DLGAP2: variants seen among roughly 807,000 people sequenced by gnomAD.
DLGAP2 encodes disks large-associated protein 2.
A neutral mutation model predicts 100.3 loss-of-function variants in DLGAP2; 26 were observed. The observed-to-expected ratio is 0.26, with a 90% CI of 0.19 to 0.36. The LOEUF (loss-of-function observed/expected upper bound fraction) is 0.36. Among genes scored for constraint, DLGAP2 ranks in the 10% least tolerant of loss-of-function variants. The pLI, the probability that DLGAP2 is intolerant of heterozygous loss-of-function variation, is 1.00. For synonymous variants in DLGAP2, 886 were observed against 630.1 expected (o/e 1.41, Z -6.08); for missense variants, 1,858 against 1,453.2 (o/e 1.28, Z -4.53).
chr8:1,110,316 CTG>C (rs1377991468), intron 2 of DLGAP2, among the ~76,000 whole-genome samples: 3 of 145,842 alleles, frequency 2.1e-5, no homozygotes, highest in Non-Finnish European at 4.5e-5. Flanking sequence ...TGTGCTGGGT[CTG>C]TGAGGTGTGC....
chr8:854,837 G>C (rs1412559081), intron 1 of DLGAP2, among the ~76,000 whole-genome samples: 1 of 152,228 alleles, frequency 6.6e-6, no homozygotes, highest in African/African-American at 2.4e-5. Flanking sequence ...ATGCGATGAA[G>C]CTCTGGAGAA....
chr8:1,602,498 G>C (rs549936608), intron 6 of DLGAP2, among the ~76,000 whole-genome samples: 44 of 152,318 alleles, frequency 2.9e-4, no homozygotes, highest in African/African-American at 9.9e-4. Flanking sequence ...AGCTAGCCAG[G>C]GCTGGAGGCC....
chr8:1,299,757 C>G (rs962841698), intron 3 of DLGAP2, among the ~76,000 whole-genome samples: 3 of 152,030 alleles, frequency 2.0e-5, no homozygotes, highest in Non-Finnish European at 4.4e-5. Flanking sequence ...ATCTACAATC[C>G]CCCCTGGACT....
chr8:1,180,621 C>CTT (rs147443807), intron 2 of DLGAP2, among the ~76,000 whole-genome samples: 2 of 151,318 alleles, frequency 1.3e-5, no homozygotes, highest in Admixed American at 6.6e-5. Flanking sequence ...GAGGGCAGCA[C>CTT]ACCATCAAGC....
Position 1,370,312 on chromosome 8 carries a change from G to A in DLGAP2, c.106+111429G>A, listed in dbSNP as rs115215393. On this transcript the variant is annotated intron_variant, in intron 3 of 14. Transcript: ENST00000637795. ...CGAAGGTCGGCAGCAGTCACACGGCGTGATTCATCCCAGCCAAACCCTTGC... is the reference window on the plus strand; with the variant it reads ...CGAAGGTCGGCAGCAGTCACACGGCATGATTCATCCCAGCCAAACCCTTGC... 4.5e-3 allele frequency among the ~76,000 whole-genome samples: 690 copies of A among 152,176 alleles called. 4 individuals are homozygous for A. Among genetic ancestry groups the A allele is most frequent in the African/African-American group, 3.6e-3 (150 of 41,542 alleles).
At chr8:749,864 C>T (rs1230595332) in intron 1 of DLGAP2, among the ~76,000 whole-genome samples, 1 of 152,138 alleles carries the variant, frequency 6.6e-6, no homozygotes, top group Non-Finnish European at 1.5e-5. Flanking sequence ...GGGAGGGTCC[C>T]CTCCTCTCCT....
chr8:986,364 G>C (rs1466378415), intron 2 of DLGAP2, among the ~76,000 whole-genome samples: 2 of 152,198 alleles, frequency 1.3e-5, no homozygotes, highest in Non-Finnish European at 2.9e-5. Flanking sequence ...TATATGTGCA[G>C]AACGTGCAGG....
At chr8:1,682,929 TTTGTC>T (rs1798995207) in intron 12 of DLGAP2, among the ~76,000 whole-genome samples, 1 of 151,470 alleles carries the variant, frequency 6.6e-6, no homozygotes, top group African/African-American at 2.4e-5. Context: ...TTTGTTTTGT[TTTGTC>T]TTGTTTTTTA....
chr8:1,511,098 C>A (rs1420604284), intron 4 of DLGAP2, among the ~76,000 whole-genome samples: 3 of 152,268 alleles, frequency 2.0e-5, no homozygotes, highest in Non-Finnish European at 4.4e-5. Context: ...TTTCACCACA[C>A]TGTGGAACCG....
At chr8:1,267,149 G>C (rs746953480) in intron 3 of DLGAP2, among the ~76,000 whole-genome samples, 1 of 151,744 alleles carries the variant, frequency 6.6e-6, no homozygotes, top group African/African-American at 2.4e-5. Flanking sequence ...GGAGAATGGC[G>C]TGAACCAGGG....
chr8:1,507,584 T>C (rs1799972497), intron 4 of DLGAP2, among the ~76,000 whole-genome samples: 1 of 152,056 alleles, frequency 6.6e-6, no homozygotes, highest in South Asian at 2.1e-4. Context: ...GCTGAAGGGC[T>C]CCTCAAGTGC....
chr8:877,654 C>T (rs1046999431), intron 1 of DLGAP2, among the ~76,000 whole-genome samples: 1 of 152,218 alleles, frequency 6.6e-6, no homozygotes, highest in African/African-American at 2.4e-5. Context: ...GTCTTATTCC[C>T]TAGTTCTTCC....
chr8:1,363,721 G>A (rs977828055), intron 3 of DLGAP2, among the ~76,000 whole-genome samples: 6 of 152,220 alleles, frequency 3.9e-5, no homozygotes, highest in Admixed American at 3.3e-4. Context: ...AAGAGAACCC[G>A]ACGCTCTGGC....
chr8:1,081,673 A>T (rs1563181673), intron 2 of DLGAP2, among the ~76,000 whole-genome samples: 1 of 152,056 alleles, frequency 6.6e-6, no homozygotes, highest in Admixed American at 6.5e-5. Context: ...AATATTCAAG[A>T]TTGTGTTCCT....
chr8:1,364,083 C>T (rs572370140), intron 3 of DLGAP2, among the ~76,000 whole-genome samples: 1 of 152,194 alleles, frequency 6.6e-6, no homozygotes, highest in East Asian at 1.9e-4. Flanking sequence ...CAGGTGCAGA[C>T]CCCACCTTTG....
intron 8 of DLGAP2, among the ~76,000 whole-genome samples, chr8:1,647,390 G>A (rs912375701): frequency 6.7e-6 from 1 of 149,578 alleles, no homozygotes; most frequent in Non-Finnish European, 1.5e-5. Flanking sequence ...TCAGGAGGCT[G>A]AGGCAGGAGA....
chr8:1,382,389 C>T (rs1279015543), intron 3 of DLGAP2, among the ~76,000 whole-genome samples: 1 of 152,180 alleles, frequency 6.6e-6, no homozygotes, highest in East Asian at 1.9e-4. Context: ...TGGACTCCAG[C>T]AGTTCCAACC....
intron 6 of DLGAP2, among the ~76,000 whole-genome samples, chr8:1,611,158 G>A (rs1476789568): frequency 1.5e-4 from 21 of 137,312 alleles, no homozygotes; most frequent in East Asian, 4.3e-4. Flanking sequence ...CTGGCAAACC[G>A]AATCCAGCAG....
At chr8:1,121,585 C>G (rs1420626826) in intron 2 of DLGAP2, among the ~76,000 whole-genome samples, 1 of 152,148 alleles carries the variant, frequency 6.6e-6, no homozygotes. Context: ...CCCATGACCT[C>G]CCATCCTCTT....
Sources: gnomAD v4.1 joint callset for allele counts (sites outside exome capture counted in the v4.1 genomes callset) on GRCh38, gnomAD v4.1.1 for gene constraint, MANE v1.5 for transcripts, NCBI Gene and HGNC (gene_info 2026-07-23, HGNC 2026-07-21) for gene names.